The following TSPEAR variants were observed in gnomAD, a reference collection of about 807,000 sequenced individuals.
The protein encoded by TSPEAR is thrombospondin-type laminin G domain and EAR repeat-containing protein.
A neutral mutation model predicts 71.6 loss-of-function variants in TSPEAR; 69 were observed. The observed-to-expected ratio is 0.96, with a 90% CI of 0.79 to 1.18. The LOEUF (loss-of-function observed/expected upper bound fraction) is 1.18. TSPEAR is among the 50% of genes most tolerant of loss of function. The pLI is 0.00. For synonymous variants in TSPEAR, 402 were observed against 387.2 expected (o/e 1.04, Z -0.45); for missense variants, 971 against 894.9 (o/e 1.09, Z -1.09).
At chr21:44,703,885 C>T (rs1555951881) in intron 1 of TSPEAR, among the ~76,000 whole-genome samples, 3 of 152,154 alleles carry the variant, frequency 2.0e-5, no homozygotes, top group East Asian at 1.9e-4. Flanking sequence ...CCAGTGCCAC[C>T]GCCCAGCTCC....
intron 9 of TSPEAR, among the ~76,000 whole-genome samples, chr21:44,513,912 T>TG (rs2052474813): frequency 6.6e-6 from 1 of 152,080 alleles, no homozygotes; most frequent in African/African-American, 2.4e-5. Context: ...CGGGTGGCCA[T>TG]GGGGGCAGCG....
chr21:44,500,424 G>T (rs893354608), intron 11 of TSPEAR, among the ~76,000 whole-genome samples: 1 of 152,272 alleles, frequency 6.6e-6, no homozygotes, highest in Non-Finnish European at 1.5e-5. Flanking sequence ...CTGGCCGCCA[G>T]GGTTTGCCTT....
chr21:44,539,459 G>A lies in TSPEAR; in HGVS notation c.304-5536C>T, dbSNP rs1199760889. ...TACAGGGCGGCAGAGGAGGGACACG[G>A]AGGAGGAGGGTCTGCAGCAGGAGGT... On this transcript the variant is annotated intron_variant, in intron 2 of 11. Transcript: ENST00000323084. 25 of 1,595,296 alleles carry A rather than the reference G, an allele frequency of 1.6e-5. No homozygotes were observed. Among genetic ancestry groups the A allele is most frequent in the Non-Finnish European group, 2.1e-5 (25 of 1,176,546 alleles).
At chr21:44,655,028 G>A (rs1985057492) in intron 1 of TSPEAR, among the ~76,000 whole-genome samples, 1 of 152,096 alleles carries the variant, frequency 6.6e-6, no homozygotes, top group Admixed American at 6.5e-5. Context: ...TCATCATCAG[G>A]GTCTTCCCAA....
At chr21:44,690,437 G>T in intron 1 of TSPEAR, 1 of 543,934 alleles carries the variant, frequency 1.8e-6, no homozygotes, top group Non-Finnish European at 2.3e-6. Flanking sequence ...GTTCCCATGG[G>T]CTTCCAGAAA....
At chr21:44,650,778 C>T (rs1404629130) in intron 1 of TSPEAR, among the ~76,000 whole-genome samples, 1 of 152,142 alleles carries the variant, frequency 6.6e-6, no homozygotes, top group East Asian at 1.9e-4. Flanking sequence ...GGGCTGGGGG[C>T]TGGGAAAGGA....
At chr21:44,698,140 A>G in intron 1 of TSPEAR, 1 of 623,582 alleles carries the variant, frequency 1.6e-6, no homozygotes, top group Non-Finnish European at 2.7e-6. Flanking sequence ...GCCTCCACCC[A>G]CTCCCCCGGC....
chr21:44,500,606 C>T (rs1230659627), intron 11 of TSPEAR, among the ~76,000 whole-genome samples: 3 of 152,260 alleles, frequency 2.0e-5, no homozygotes, highest in Admixed American at 6.5e-5. Context: ...TCTGCTCTCA[C>T]GGGAAAGGGC....
intron 1 of TSPEAR, chr21:44,647,674 C>A: frequency 2.5e-6 from 1 of 403,706 alleles, no homozygotes; most frequent in East Asian, 5.0e-5. Context: ...GCACTTTCTG[C>A]TCTTCCCCTG....
intron 2 of TSPEAR, chr21:44,539,778 A>G (rs781912986): frequency 1.9e-6 from 3 of 1,612,626 alleles, no homozygotes; most frequent in East Asian, 4.5e-5. Flanking sequence ...TGGCAGCTAG[A>G]CTGCTGGCAG....
chr21:44,675,223 T>C (rs1247844165), intron 1 of TSPEAR, among the ~76,000 whole-genome samples: 1 of 152,070 alleles, frequency 6.6e-6, no homozygotes, highest in East Asian at 1.9e-4. Flanking sequence ...AAAGATAATA[T>C]ACCATGATCA....
At chr21:44,554,325 G>T (rs2053492501) in intron 2 of TSPEAR, among the ~76,000 whole-genome samples, 1 of 152,184 alleles carries the variant, frequency 6.6e-6, no homozygotes, top group Non-Finnish European at 1.5e-5. Flanking sequence ...TGGACTTCCA[G>T]CTTCCAGAAC....
intron 1 of TSPEAR, among the ~76,000 whole-genome samples, chr21:44,662,354 A>C (rs1555943845): frequency 6.6e-6 from 1 of 152,190 alleles, no homozygotes; most frequent in Non-Finnish European, 1.5e-5. Flanking sequence ...ATTAATATCA[A>C]AGTCAACTTC....
chr21:44,537,472 T>A (rs587620485), intron 2 of TSPEAR, among the ~76,000 whole-genome samples: 1 of 152,116 alleles, frequency 6.6e-6, no homozygotes, highest in Admixed American at 6.5e-5. Context: ...AAGAGATGAA[T>A]AGAACAAAAT....
At chr21:44,666,554 C>T (rs1985772988) in intron 1 of TSPEAR, 1 of 1,599,586 alleles carries the variant, frequency 6.3e-7, no homozygotes, top group Non-Finnish European at 8.6e-7. Context: ...ACACGACAGG[C>T]CTGCAGCTCA....
intron 1 of TSPEAR, chr21:44,677,137 A>G: frequency 1.4e-6 from 1 of 715,024 alleles, no homozygotes; most frequent in Non-Finnish European, 2.6e-6. Flanking sequence ...CAGATCAACT[A>G]TCATGTTGTG....
intron 1 of TSPEAR, among the ~76,000 whole-genome samples, chr21:44,596,367 C>T (rs782306953): frequency 6.6e-6 from 1 of 152,220 alleles, no homozygotes; most frequent in African/African-American, 2.4e-5. Flanking sequence ...GTGTCACAGT[C>T]CCAACCACAC....
At chr21:44,603,983 G>C (rs1455323030) in intron 1 of TSPEAR, among the ~76,000 whole-genome samples, 2 of 151,832 alleles carry the variant, frequency 1.3e-5, no homozygotes, top group Non-Finnish European at 2.9e-5. Context: ...CGGGCTCACT[G>C]TCTCCCTCCT....
At chr21:44,702,543 C>T in intron 1 of TSPEAR, 1 of 1,610,150 alleles carries the variant, frequency 6.2e-7, no homozygotes, top group Middle Eastern at 1.7e-4. Context: ...GGGCTTCCTC[C>T]CTGTGCTGCC....
Sources: allele counts gnomAD v4.1 joint callset (sites outside exome capture counted in the v4.1 genomes callset), GRCh38; gene constraint gnomAD v4.1.1; transcripts MANE v1.5; gene names NCBI Gene and HGNC (gene_info 2026-07-23, HGNC 2026-07-21).